The following EPS15L1 variants were observed in gnomAD, a reference collection of about 807,000 sequenced individuals.
EPS15L1 encodes epidermal growth factor receptor pathway substrate 15 like 1, also known as epidermal growth factor receptor substrate 15-like 1.
A neutral mutation model predicts 117.1 loss-of-function variants in EPS15L1; 43 were observed. The ratio of observed to expected loss-of-function variants is 0.37; its 90% CI spans 0.29 to 0.47. The LOEUF is 0.47. Ranked by LOEUF, EPS15L1 falls within the 20% of genes least tolerant of loss-of-function variation. The pLI is 0.99. For missense variants in EPS15L1, 981 were observed against 1,164.0 expected (o/e 0.84, Z 2.29); for synonymous variants, 459 against 470.5 (o/e 0.98, Z 0.32).
At chr19:16,372,922 C>A (rs780635755) in intron 22 of EPS15L1, among the ~76,000 whole-genome samples, 2 of 152,230 alleles carry the variant, frequency 1.3e-5, no homozygotes, top group Admixed American at 1.3e-4. Flanking sequence ...CAGAAGGAAG[C>A]GGCCTCAGTT....
intron 16 of EPS15L1, among the ~76,000 whole-genome samples, chr19:16,399,606 G>A (rs992167773): frequency 2.6e-5 from 4 of 151,894 alleles, no homozygotes; most frequent in African/African-American, 7.3e-5. Context: ...TTCCTGTGGT[G>A]TAAACAGTCT....
chr19:16,467,168 A>C (rs1178987850), intron 1 of EPS15L1, among the ~76,000 whole-genome samples: 1 of 148,840 alleles, frequency 6.7e-6, no homozygotes, highest in Non-Finnish European at 1.5e-5. Context: ...TTTTTTTGAG[A>C]CGTAGTGTCA....
In EPS15L1 at chr19:16,405,982, G is replaced by C. The variant is rs549049259; in HGVS notation, c.1267-1233C>G. On this transcript the variant is annotated intron_variant, in intron 13 of 23. Transcript: ENST00000455140. This position sits in a 1 kb window ranked among gnomAD's most constrained non-coding sequence, Gnocchi z 4.0. Reference sequence around the variant, plus strand: ...CAGGAACTGCAGGGGCCTCGGGTGGGGTCCAGGGAGAGGCAGCAGCAGCTG... The same window carrying C: ...CAGGAACTGCAGGGGCCTCGGGTGGCGTCCAGGGAGAGGCAGCAGCAGCTG... Among the ~76,000 whole-genome samples, 1 of 152,324 alleles carries C rather than the reference G, an allele frequency of 6.6e-6. No individual in the cohort carries two copies. The highest frequency in any genetic ancestry group is 1.9e-4 in the East Asian group (1 of 5,186).
intron 20 of EPS15L1, among the ~76,000 whole-genome samples, chr19:16,385,736 C>T (rs556703259): frequency 2.6e-4 from 40 of 152,260 alleles, no homozygotes; most frequent in African/African-American, 9.1e-4. Flanking sequence ...TCCACAGATG[C>T]TCCCATTGCA....
intron 10 of EPS15L1, among the ~76,000 whole-genome samples, chr19:16,420,755 G>C (rs917236499): frequency 6.6e-6 from 1 of 152,254 alleles, no homozygotes; most frequent in Non-Finnish European, 1.5e-5. Context: ...GGCAAGAGGA[G>C]TGCCCCAGCC....
At chr19:16,427,581 G>C (rs2092884163) in intron 8 of EPS15L1, among the ~76,000 whole-genome samples, 1 of 152,070 alleles carries the variant, frequency 6.6e-6, no homozygotes, top group Non-Finnish European at 1.5e-5. Context: ...ACTATGTCAA[G>C]ACAAACACTT....
chr19:16,402,745 A>C (rs2092615393), intron 15 of EPS15L1, among the ~76,000 whole-genome samples: 1 of 151,510 alleles, frequency 6.6e-6, no homozygotes, highest in African/African-American at 2.4e-5. Flanking sequence ...CAAAAAATAC[A>C]AAAAAAATTC....
chr19:16,431,828 T>A (rs2092931174), intron 7 of EPS15L1, among the ~76,000 whole-genome samples: 1 of 152,174 alleles, frequency 6.6e-6, no homozygotes, highest in Non-Finnish European at 1.5e-5. Context: ...CTATTATGTA[T>A]CATCAAAAAT....
chr19:16,399,100 C>G (rs2092570910), intron 16 of EPS15L1, among the ~76,000 whole-genome samples: 1 of 152,156 alleles, frequency 6.6e-6, no homozygotes, highest in African/African-American at 2.4e-5. Flanking sequence ...TGCAAGCCCC[C>G]TGCACTGACA....
At chr19:16,417,701 C>T in intron 11 of EPS15L1, 64 bp from the exon 12 acceptor site, 1 of 1,410,606 alleles carries the variant, frequency 7.1e-7, no homozygotes. Context: ...CAGGAGGCAC[C>T]AGCAGTTCTC....
Position 16,381,266 on chromosome 19 carries a change from A to C in EPS15L1, c.2247+3863T>G, listed in dbSNP as rs575794345. Among the ~76,000 whole-genome samples the C allele has an allele frequency of 4.0e-4, 61 of 152,380 alleles. 1 individual carries two copies. Among genetic ancestry groups the C allele is most frequent in the African/African-American group, 1.3e-3 (56 of 41,592 alleles). On this transcript the variant is annotated intron_variant, in intron 21 of 23. Transcript: ENST00000455140. This position sits in a 1 kb window ranked among gnomAD's most constrained non-coding sequence, Gnocchi z 4.2. ...ACAAGGAAACTGAGGCACACAAAGG[A>C]GGCGCAGCCTGCCCACATCACACAG...
Position 16,361,858 on chromosome 19 carries a change from C to A in EPS15L1, c.2507G>T (p.Ser836Ile), listed in dbSNP as rs755256417. The A allele has an allele frequency of 6.2e-7, 1 of 1,614,122 alleles. No homozygotes were observed. The highest frequency in any genetic ancestry group is 8.5e-7 in the Non-Finnish European group (1 of 1,180,028). The change falls in exon 23 of 24, where the codon AGT becomes ATT. Residue 836 changes from serine (S) to isoleucine (I), a missense_variant. Coordinates refer to ENST00000455140, the MANE Select transcript of EPS15L1 (RefSeq NM_001258374.3). ...QSKKGFGDPF[S>I]GKDPFVPSSA... ...GGAGGGGACAAATGGGTCTTTTCCA[C>A]TAAACGGGTCCCCAAACCCCTTTTT...
intron 19 of EPS15L1, among the ~76,000 whole-genome samples, chr19:16,391,548 G>A (rs1387580314): frequency 6.6e-6 from 1 of 151,670 alleles, no homozygotes; most frequent in Non-Finnish European, 1.5e-5. Context: ...CTGGGTTGCA[G>A]CCTAGAAAAC....
intron 22 of EPS15L1, among the ~76,000 whole-genome samples, chr19:16,372,767 C>T (rs895949097): frequency 6.6e-6 from 1 of 152,246 alleles, no homozygotes; most frequent in Non-Finnish European, 1.5e-5. Flanking sequence ...ACCTGCTAGG[C>T]CTGAGTGGGT....
chr19:16,399,856 T>C (rs1444077038), intron 16 of EPS15L1, among the ~76,000 whole-genome samples: 3 of 152,056 alleles, frequency 2.0e-5, no homozygotes, highest in Non-Finnish European at 2.9e-5. Context: ...GGAAAGTCAA[T>C]AAAAACTGGC....
intron 19 of EPS15L1, among the ~76,000 whole-genome samples, chr19:16,387,587 A>G (rs1264230540): frequency 6.6e-6 from 1 of 152,196 alleles, no homozygotes; most frequent in Non-Finnish European, 1.5e-5. Context: ...AGCCTGGGCA[A>G]CAAGAGTGAA....
rs923145342 is a variant in EPS15L1 at position 16,405,213 on chromosome 19, G to A, written c.1267-464C>T. ...ACAGGTGAGCAGGTGCCAGGCAGGT[G>A]AAGAGCCAGGGACAGAGCCTGGCGG... is the stretch of plus-strand genomic sequence containing the variant. On this transcript the variant is annotated intron_variant, in intron 13 of 23. Transcript: ENST00000455140. This position sits in a 1 kb window ranked among gnomAD's most constrained non-coding sequence, Gnocchi z 4.0. 1.3e-5 allele frequency among the ~76,000 whole-genome samples: 2 copies of A among 152,204 alleles called. No homozygotes were observed. Among genetic ancestry groups the A allele is most frequent in the Non-Finnish European group, 2.9e-5 (2 of 68,030 alleles).
At chr19:16,406,309 G>A (rs1372506088) in intron 13 of EPS15L1, among the ~76,000 whole-genome samples, 2 of 152,176 alleles carry the variant, frequency 1.3e-5, no homozygotes, top group African/African-American at 2.4e-5. Context: ...GACAATCAGG[G>A]TCACTTATGG....
At chr19:16,459,524 A>C (rs144874769) in intron 1 of EPS15L1, among the ~76,000 whole-genome samples, 1,571 of 152,208 alleles carry the variant, frequency 0.01, 19 homozygotes, top group Non-Finnish European at 0.015. Context: ...TGCAGTTGGT[A>C]GTGGGGAGCG....
Sources: allele counts gnomAD v4.1 joint callset (sites outside exome capture counted in the v4.1 genomes callset), GRCh38; gene constraint gnomAD v4.1.1; non-coding constraint Gnocchi (gnomAD v3.1); transcripts MANE v1.5; gene names NCBI Gene and HGNC (gene_info 2026-07-23, HGNC 2026-07-21).